GNB1: variants seen among roughly 807,000 people sequenced by gnomAD.
GNB1 encodes the protein guanine nucleotide-binding protein G(I)/G(S)/G(T) subunit beta-1.
In GNB1, 2 loss-of-function variants were observed where a neutral mutation model predicts 42.9. That is an observed-to-expected ratio of 0.05 (90% CI 0.02 to 0.15). GNB1 has a LOEUF of 0.15. Ranked by LOEUF, GNB1 falls within the 10% of genes least tolerant of loss-of-function variation. The pLI is 1.00. For missense variants in GNB1, 193 were observed against 462.2 expected (o/e 0.42, Z 5.34); for synonymous variants, 183 against 174.7 (o/e 1.05, Z -0.38).
intron 5 of GNB1, among the ~76,000 whole-genome samples, chr1:1,814,762 A>G (rs1646827219): frequency 6.9e-6 from 1 of 144,198 alleles, no homozygotes; most frequent in South Asian, 2.2e-4. Context: ...TGATCACACC[A>G]CTGCACTCCA....
intron 9 of GNB1, 53 bp from the exon 10 acceptor site, chr1:1,789,322 T>G (rs1557879820): frequency 1.0e-6 from 1 of 1,001,774 alleles, no homozygotes; most frequent in East Asian, 2.5e-5. Context: ...AAAGAAACAT[T>G]GGGAATATGG....
intron 1 of GNB1, among the ~76,000 whole-genome samples, chr1:1,864,690 A>G (rs182391075): frequency 1.4e-4 from 21 of 152,264 alleles, no homozygotes; most frequent in African/African-American, 4.6e-4. Context: ...AGTATACGAA[A>G]GACTTTTTCC....
At chr1:1,874,896 T>C (rs1649456764) in intron 1 of GNB1, among the ~76,000 whole-genome samples, 1 of 152,178 alleles carries the variant, frequency 6.6e-6, no homozygotes, top group Admixed American at 6.5e-5. Flanking sequence ...GGGACCGGTT[T>C]TGTGAAGGAC....
At chr1:1,886,263 AGCCGAGATTGC>A (rs1469521502) in intron 1 of GNB1, among the ~76,000 whole-genome samples, 1 of 152,162 alleles carries the variant, frequency 6.6e-6, no homozygotes, top group Non-Finnish European at 1.5e-5. Flanking sequence ...GGTTGCAGTG[AGCCGAGATTGC>A]GCCACTGCAC....
chr1:1,842,259 T>A (rs1036116276), intron 1 of GNB1, among the ~76,000 whole-genome samples: 17 of 152,100 alleles, frequency 1.1e-4, no homozygotes, highest in Non-Finnish European at 2.9e-5. Flanking sequence ...TGAAACCCCA[T>A]CTCTACTAAA....
At chr1:1,797,324 T>C (rs907500397) in intron 7 of GNB1, among the ~76,000 whole-genome samples, 29 of 152,204 alleles carry the variant, frequency 1.9e-4, no homozygotes, top group African/African-American at 7.0e-4. Flanking sequence ...AGTATAATAC[T>C]ATAGTTATAT....
rs377443733 is a variant in GNB1 at position 1,866,636 on chromosome 1, A to T, written c.-96+24184T>A. Among the ~76,000 whole-genome samples, 4 of 9,146 alleles carry T rather than the reference A, an allele frequency of 4.4e-4. No homozygotes were observed. In the South Asian group the frequency reaches 8.9e-3, roughly 20 times the overall value. The allele number at this position is 9,146 out of a possible 152,430, so 6.0% of individuals were successfully genotyped here. On this transcript the variant is annotated intron_variant, in intron 1 of 11. Coordinates refer to ENST00000378609, the MANE Select transcript of GNB1 (RefSeq NM_002074.5). Reference sequence around the variant, plus strand: ...CTAACTAGTAATAGCTGATGAGCTTAAAAAAAAAAAAAATCGCTAAAAAAA... The same window carrying T: ...CTAACTAGTAATAGCTGATGAGCTTTAAAAAAAAAAAAATCGCTAAAAAAA...
intron 5 of GNB1, among the ~76,000 whole-genome samples, chr1:1,806,983 A>G (rs1433816827): frequency 2.0e-5 from 3 of 151,942 alleles, no homozygotes. Flanking sequence ...CAAGAAAGAA[A>G]GAAAGAAAGG....
In GNB1 at chr1:1,809,537, C is replaced by A. The variant is rs114770008; in HGVS notation, c.204-2999G>T. Reference sequence around the variant, plus strand: ...TAAAATTATTTCTACGTAATGGTATCATGTTCCCACTCTAGCTTTATTTCT... The same window carrying A: ...TAAAATTATTTCTACGTAATGGTATAATGTTCCCACTCTAGCTTTATTTCT... On this transcript the variant is annotated intron_variant, in intron 5 of 11. Coordinates refer to ENST00000378609, the MANE Select transcript of GNB1 (RefSeq NM_002074.5). Among the ~76,000 whole-genome samples the A allele has an allele frequency of 8.4e-3, 1,281 of 152,306 alleles. 21 individuals are homozygous for A. The highest frequency in any genetic ancestry group is 0.03 in the African/African-American group (1,229 of 41,558).
At chr1:1,880,155 A>AGTG (rs1330010875) in intron 1 of GNB1, among the ~76,000 whole-genome samples, 4 of 151,820 alleles carry the variant, frequency 2.6e-5, no homozygotes, top group African/African-American at 7.3e-5. Flanking sequence ...CTGGTCTCAA[A>AGTG]ATCTCAGCCT....
intron 1 of GNB1, among the ~76,000 whole-genome samples, chr1:1,872,261 A>C (rs142203713): frequency 1.3e-5 from 2 of 152,312 alleles, no homozygotes; most frequent in Non-Finnish European, 2.9e-5. Context: ...TATAAGCATG[A>C]ACCACTGCAC....
At chr1:1,838,645 C>T (rs1053579563) in intron 2 of GNB1, among the ~76,000 whole-genome samples, 7 of 151,654 alleles carry the variant, frequency 4.6e-5, no homozygotes, top group Non-Finnish European at 1.0e-4. Flanking sequence ...AGGGTTTCAC[C>T]GTGTTAGCCA....
intron 1 of GNB1, among the ~76,000 whole-genome samples, chr1:1,863,932 C>T (rs1321148861): frequency 6.6e-6 from 1 of 152,174 alleles, no homozygotes; most frequent in Non-Finnish European, 1.5e-5. Flanking sequence ...GGCACACTGG[C>T]TCACGCCTGT....
intron 2 of GNB1, among the ~76,000 whole-genome samples, chr1:1,832,674 G>C (rs1647092974): frequency 6.6e-6 from 1 of 152,158 alleles, no homozygotes; most frequent in African/African-American, 2.4e-5. Flanking sequence ...CTCTCATCCA[G>C]ACCCCTGAGA....
intron 1 of GNB1, among the ~76,000 whole-genome samples, chr1:1,850,716 TC>T (rs1251385150): frequency 2.6e-5 from 4 of 152,172 alleles, no homozygotes; most frequent in African/African-American, 9.7e-5. Flanking sequence ...CTCTGGCAGT[TC>T]CAATATCTGG....
rs1646428790 is a variant in GNB1 at position 1,787,966 on chromosome 1, T to C, written c.917-529A>G. On this transcript the variant is annotated intron_variant, in intron 10 of 11. Coordinates refer to ENST00000378609, the MANE Select transcript of GNB1 (RefSeq NM_002074.5). The surrounding 1 kb of genome is among the most constrained non-coding windows in gnomAD (Gnocchi z 4.4). ...ATCATTGGAACCCAGGAGGTGGAGC[T>C]TGCAGTGAGCCAAGATCGTGCCAGT... The C allele has an allele frequency of 6.6e-6, 1 of 151,470 alleles. No individual in the cohort carries two copies. The highest frequency in any genetic ancestry group is 1.5e-5 in the Non-Finnish European group (1 of 67,990). 9.4% of individuals were successfully genotyped at this position (151,470 alleles called of 1,614,324 possible).
chr1:1,852,561 G>A (rs1648049591), intron 1 of GNB1, among the ~76,000 whole-genome samples: 1 of 151,984 alleles, frequency 6.6e-6, no homozygotes, highest in Non-Finnish European at 1.5e-5. Flanking sequence ...TTGGCATGGT[G>A]GTGCATACCT....
intron 5 of GNB1, among the ~76,000 whole-genome samples, chr1:1,814,123 T>C (rs1394835004): frequency 1.3e-5 from 2 of 152,142 alleles, no homozygotes; most frequent in Non-Finnish European, 2.9e-5. Context: ...ACTCCTGCTG[T>C]CATTGGAACC....
chr1:1,833,652 C>A (rs1267479861), intron 2 of GNB1, among the ~76,000 whole-genome samples: 2 of 152,128 alleles, frequency 1.3e-5, no homozygotes, highest in Non-Finnish European at 2.9e-5. Context: ...AGGCTGGGAG[C>A]GTACACAGTC....
Sources: allele counts gnomAD v4.1 joint callset (sites outside exome capture counted in the v4.1 genomes callset), GRCh38; gene constraint gnomAD v4.1.1; non-coding constraint Gnocchi (gnomAD v3.1); transcripts MANE v1.5; gene names NCBI Gene and HGNC (gene_info 2026-07-23, HGNC 2026-07-21).